SLC16A7: variants seen among roughly 807,000 people sequenced by gnomAD.
SLC16A7 encodes the protein monocarboxylate transporter 2.
A neutral mutation model predicts 34.9 loss-of-function variants in SLC16A7; 33 were observed. The ratio of observed to expected loss-of-function variants is 0.94; its 90% CI spans 0.72 to 1.26. The LOEUF (loss-of-function observed/expected upper bound fraction) is 1.26, where lower values mean the gene tolerates loss of function less well. SLC16A7 is among the 50% of genes most tolerant of loss of function. The probability of loss-of-function intolerance (pLI) is 0.00; values close to 1 mark genes in which losing one functional copy is unlikely to be tolerated. For missense variants in SLC16A7, 573 were observed against 578.1 expected, an observed-to-expected ratio of 0.99 and a Z score of 0.09; for synonymous variants, 201 against 206.6, an observed-to-expected ratio of 0.97 and a Z score of 0.23.
At chr12:59,615,328 A>T (rs926205782) in intron 1 of SLC16A7, among the ~76,000 whole-genome samples, 3 of 152,140 alleles carry the variant, frequency 2.0e-5, no homozygotes, top group African/African-American at 7.2e-5. Flanking sequence ...CATCCGTGAG[A>T]AGTCTCTCAA....
intron 2 of SLC16A7, among the ~76,000 whole-genome samples, chr12:59,669,207 A>C (rs1869462795): frequency 1.3e-5 from 2 of 152,238 alleles, no homozygotes; most frequent in African/African-American, 2.4e-5. Context: ...AGAAAATTTA[A>C]AGTATGAATA....
chr12:59,753,413 C>A (rs901676211), intron 3 of SLC16A7, among the ~76,000 whole-genome samples: 1 of 152,146 alleles, frequency 6.6e-6, no homozygotes, highest in African/African-American at 2.4e-5. Context: ...GGAAGAAGAT[C>A]TACCAAGCCA....
At chr12:59,723,738 T>G (rs1875897278) in intron 3 of SLC16A7, among the ~76,000 whole-genome samples, 1 of 152,004 alleles carries the variant, frequency 6.6e-6, no homozygotes, top group Non-Finnish European at 1.5e-5. Flanking sequence ...TATTATTAGG[T>G]CACAGTGTAA....
chr12:59,776,523 C>T (rs963603085), intron 5 of SLC16A7, among the ~76,000 whole-genome samples: 5 of 152,180 alleles, frequency 3.3e-5, no homozygotes, highest in African/African-American at 1.2e-4. Flanking sequence ...TCTTGGCCTG[C>T]TCTCTCATGG....
intron 2 of SLC16A7, among the ~76,000 whole-genome samples, chr12:59,661,141 G>A (rs1176356490): frequency 2.0e-5 from 3 of 151,998 alleles, no homozygotes; most frequent in African/African-American, 7.2e-5. Context: ...TGTTGGGAAG[G>A]GGAGGGGATA....
intron 3 of SLC16A7, chr12:59,769,163 T>C (rs1307937251): frequency 6.6e-6 from 1 of 152,176 alleles, no homozygotes; most frequent in Non-Finnish European, 1.5e-5. Flanking sequence ...TAAAATATTT[T>C]TAATTGTTAT....
chr12:59,740,054 T>C (rs1878116863), intron 3 of SLC16A7, among the ~76,000 whole-genome samples: 1 of 151,438 alleles, frequency 6.6e-6, no homozygotes, highest in East Asian at 1.9e-4. Flanking sequence ...TTTAATTAGA[T>C]CCCATTTGTC....
intron 1 of SLC16A7, among the ~76,000 whole-genome samples, chr12:59,604,622 T>C (rs1220840599): frequency 6.6e-6 from 1 of 152,232 alleles, no homozygotes; most frequent in Admixed American, 6.5e-5. Flanking sequence ...TTTTAACTAA[T>C]TTAATCCTCA....
intron 1 of SLC16A7, among the ~76,000 whole-genome samples, chr12:59,629,458 A>G (rs1284753723): frequency 6.6e-6 from 1 of 151,946 alleles, no homozygotes; most frequent in Non-Finnish European, 1.5e-5. Flanking sequence ...ATATTTGTTT[A>G]GCTATTATGT....
At chr12:59,730,657 A>AATACTG (rs1876841647) in intron 3 of SLC16A7, among the ~76,000 whole-genome samples, 1 of 152,166 alleles carries the variant, frequency 6.6e-6, no homozygotes, top group Non-Finnish European at 1.5e-5. Flanking sequence ...TATCTATGCA[A>AATACTG]AGTTCATATA....
intron 1 of SLC16A7, among the ~76,000 whole-genome samples, chr12:59,648,965 A>G (rs554829100): frequency 1.6e-4 from 25 of 152,168 alleles, no homozygotes; most frequent in Non-Finnish European, 2.8e-4. Context: ...GAATAACCTA[A>G]AAGTTGATGA....
At chr12:59,668,729 GA>G (rs1209490425) in intron 2 of SLC16A7, among the ~76,000 whole-genome samples, 1 of 152,182 alleles carries the variant, frequency 6.6e-6, no homozygotes, top group Non-Finnish European at 1.5e-5. Flanking sequence ...AAAACGACAT[GA>G]AATTTGGAAG....
At position 59,770,025 on chromosome 12, in the gene SLC16A7, C is replaced by G. The variant is rs1356271476; in HGVS notation, c.218-1194C>G. On this transcript the variant is annotated intron_variant, in intron 3 of 5. Transcript: ENST00000547379. The stretch of plus-strand genomic sequence containing the variant: ...AGATAGTCTCAATTGTTAAGTTACA[C>G]TGTTATTTTATAGTACACCAAGAAA... Among the ~76,000 whole-genome samples the G allele has an allele frequency of 2.0e-5, 3 of 151,972 alleles. No homozygotes were observed. In the East Asian group the frequency reaches 5.8e-4, roughly 29 times the overall value.
chr12:59,617,558 C>G (rs960050390), intron 1 of SLC16A7, among the ~76,000 whole-genome samples: 4 of 151,960 alleles, frequency 2.6e-5, no homozygotes, highest in African/African-American at 9.7e-5. Context: ...TTTATTCTCA[C>G]AGTTCTAAAC....
chr12:59,710,718 G>T (rs1257722236), intron 3 of SLC16A7, among the ~76,000 whole-genome samples: 1 of 151,756 alleles, frequency 6.6e-6, no homozygotes, highest in Non-Finnish European at 1.5e-5. Context: ...CTGATTTTTG[G>T]CTTAAAAATT....
At chr12:59,626,632 C>T (rs1338963779) in intron 1 of SLC16A7, among the ~76,000 whole-genome samples, 1 of 151,730 alleles carries the variant, frequency 6.6e-6, no homozygotes, top group Non-Finnish European at 1.5e-5. Flanking sequence ...GCCAGCCACC[C>T]ATCCTGGCAC....
At chr12:59,644,289 G>T (rs536183114) in intron 1 of SLC16A7, among the ~76,000 whole-genome samples, 1 of 152,198 alleles carries the variant, frequency 6.6e-6, no homozygotes, top group African/African-American at 2.4e-5. Context: ...AGTCTTGTCC[G>T]GGCACGGTAG....
intron 1 of SLC16A7, among the ~76,000 whole-genome samples, chr12:59,653,995 TACTTAAACTTATTTTTTA>T (rs1868407687): frequency 6.6e-6 from 1 of 151,674 alleles, no homozygotes; most frequent in Non-Finnish European, 1.5e-5. Flanking sequence ...AGAATTTGTA[TACTTAAACTTATTTTTTA>T]AATAAAGAAT....
intron 4 of SLC16A7, among the ~76,000 whole-genome samples, chr12:59,772,533 CAA>C (rs145752357): frequency 0.047 from 7,123 of 152,120 alleles, 545 homozygotes; most frequent in African/African-American, 0.16. Context: ...TTGATGCCCC[CAA>C]ATTCAATTAT....
Sources: allele counts gnomAD v4.1 joint callset (sites outside exome capture counted in the v4.1 genomes callset), GRCh38; gene constraint gnomAD v4.1.1; transcripts MANE v1.5; gene names NCBI Gene and HGNC (gene_info 2026-07-23, HGNC 2026-07-21).